EPC2: variants seen among roughly 807,000 people sequenced by gnomAD.
The protein encoded by EPC2 is enhancer of polycomb homolog 2.
Under a neutral mutation model 92.1 loss-of-function variants are expected in EPC2, and 14 were observed. The observed-to-expected ratio is 0.15, with a 90% CI of 0.10 to 0.24. The LOEUF is 0.24. EPC2 is among the 10% of genes least tolerant of loss of function. The pLI is 1.00. For missense variants in EPC2, 755 were observed against 971.5 expected (o/e 0.78, Z 2.96); for synonymous variants, 340 against 334.7 (o/e 1.02, Z -0.17).
intron 6 of EPC2, among the ~76,000 whole-genome samples, chr2:148,764,567 A>G: frequency 6.6e-6 from 1 of 152,260 alleles, no homozygotes; most frequent in South Asian, 2.1e-4. Context: ...TAGAAATGAC[A>G]GTAAACTCAT....
intron 4 of EPC2, among the ~76,000 whole-genome samples, chr2:148,754,547 T>G (rs1473996062): frequency 6.6e-6 from 1 of 152,218 alleles, no homozygotes. Flanking sequence ...GAAATACTAC[T>G]ACTATTCCTT....
intron 3 of EPC2, 128 bp from the exon 4 acceptor site, chr2:148,753,799 T>G (rs1683123170): frequency 1.5e-6 from 1 of 668,262 alleles, no homozygotes; most frequent in East Asian, 2.7e-5. Context: ...GAATTGTGTC[T>G]TCACTTACTA....
chr2:148,657,076 C>T lies in EPC2; in HGVS notation c.153+11906C>T, dbSNP rs1680816892. On this transcript the variant is annotated intron_variant, in intron 1 of 13. Coordinates refer to ENST00000258484, the MANE Select transcript of EPC2 (RefSeq NM_015630.4). ...AGTAGAGTTATTAAGAGAGTTGAAA[C>T]AGTTTTGGGATCTAGTGTAGAGTCA... Among the ~76,000 whole-genome samples the T allele has an allele frequency of 1.3e-5, 2 of 151,578 alleles. 1 individual carries two copies. The highest frequency in any genetic ancestry group is 1.3e-4 in the Admixed American group (2 of 15,196).
At chr2:148,690,871 C>T (rs1387795420) in intron 2 of EPC2, among the ~76,000 whole-genome samples, 1 of 152,150 alleles carries the variant, frequency 6.6e-6, no homozygotes, top group Non-Finnish European at 1.5e-5. Context: ...TCTTGTTGGC[C>T]AGGCCGGTCT....
At chr2:148,755,953 A>G (rs1218739589) in intron 4 of EPC2, among the ~76,000 whole-genome samples, 3 of 152,244 alleles carry the variant, frequency 2.0e-5, no homozygotes, top group Admixed American at 2.0e-4. Context: ...GATATATTGC[A>G]AAACAGACCA....
At chr2:148,771,019 T>C (rs776361255) in intron 9 of EPC2, 25 bp from the exon 10 acceptor site, 1 of 1,591,622 alleles carries the variant, frequency 6.3e-7, no homozygotes, top group East Asian at 2.2e-5. Context: ...TCTCAGTTAA[T>C]ATTTGGTTTT....
intron 2 of EPC2, among the ~76,000 whole-genome samples, chr2:148,700,000 TTTGA>T (rs1467300086): frequency 6.6e-6 from 1 of 152,222 alleles, no homozygotes; most frequent in Non-Finnish European, 1.5e-5. Context: ...CACCTTTTTG[TTTGA>T]TTGACATTAT....
intron 10 of EPC2, among the ~76,000 whole-genome samples, chr2:148,775,104 A>G (rs1558837219): frequency 6.9e-6 from 1 of 144,600 alleles, no homozygotes; most frequent in Non-Finnish European, 1.5e-5. Flanking sequence ...AAAAAAAAAA[A>G]GAAAAGAAAA....
At chr2:148,778,458 T>C (rs1457164346) in intron 10 of EPC2, among the ~76,000 whole-genome samples, 1 of 152,188 alleles carries the variant, frequency 6.6e-6, no homozygotes, top group Non-Finnish European at 1.5e-5. Context: ...CTCTTATGAA[T>C]GTATTTCAGT....
intron 1 of EPC2, among the ~76,000 whole-genome samples, chr2:148,672,670 A>G (rs1392422351): frequency 6.6e-6 from 1 of 152,200 alleles, no homozygotes; most frequent in Non-Finnish European, 1.5e-5. Context: ...ATGCATTAAC[A>G]TAGTTTTTTA....
chr2:148,753,636 C>T (rs1169531241), intron 3 of EPC2, among the ~76,000 whole-genome samples: 1 of 152,126 alleles, frequency 6.6e-6, no homozygotes, highest in Non-Finnish European at 1.5e-5. Context: ...TAGTCCAAGA[C>T]TTGCCTGAGG....
At chr2:148,780,638 C>T (rs908998908) in intron 10 of EPC2, among the ~76,000 whole-genome samples, 1 of 152,074 alleles carries the variant, frequency 6.6e-6, no homozygotes, top group Non-Finnish European at 1.5e-5. Flanking sequence ...CTTATTTTCC[C>T]CTATATTCAC....
At chr2:148,740,566 C>G (rs1040907655) in intron 2 of EPC2, among the ~76,000 whole-genome samples, 2 of 152,044 alleles carry the variant, frequency 1.3e-5, no homozygotes, top group African/African-American at 2.4e-5. Context: ...TTTTCTTGTT[C>G]CTTCCCCTGC....
intron 1 of EPC2, among the ~76,000 whole-genome samples, chr2:148,669,822 A>C (rs1681120519): frequency 6.6e-6 from 1 of 152,318 alleles, no homozygotes; most frequent in Middle Eastern, 3.4e-3. Context: ...CTACTGAATC[A>C]GTATTTTTTG....
rs191333968 is a variant in EPC2, at chr2:148,783,993, C to T, written c.2017+237C>T. Among the ~76,000 whole-genome samples the T allele has an allele frequency of 1.5e-3, 227 of 152,334 alleles. 5 individuals are homozygous for T. The highest frequency in any genetic ancestry group is 0.013 in the Admixed American group (193 of 15,306). ...CATACCTGTGTAACATTCTACCCTT[C>T]CTGGTTTCATTCACATACTGTCAGT... is the stretch of plus-strand genomic sequence containing the variant. On this transcript the variant is annotated intron_variant, in intron 12 of 13. Coordinates refer to ENST00000258484, the MANE Select transcript of EPC2 (RefSeq NM_015630.4).
intron 1 of EPC2, among the ~76,000 whole-genome samples, chr2:148,678,872 C>T (rs548061975): frequency 9.5e-4 from 144 of 152,334 alleles, no homozygotes; most frequent in African/African-American, 3.3e-3. Flanking sequence ...CCTCAAGTGC[C>T]GCCAAAGTGG....
At chr2:148,776,927 T>G (rs921278359) in intron 10 of EPC2, among the ~76,000 whole-genome samples, 1 of 147,486 alleles carries the variant, frequency 6.8e-6, no homozygotes, top group Admixed American at 7.1e-5. Flanking sequence ...ATGGCACGAT[T>G]CCGGCTCACT....
At chr2:148,746,840 TA>T (rs1682994652) in intron 3 of EPC2, among the ~76,000 whole-genome samples, 1 of 150,462 alleles carries the variant, frequency 6.6e-6, no homozygotes, top group South Asian at 2.1e-4. Context: ...CACACACAAT[TA>T]GAGCTTAAAT....
chr2:148,712,647 T>C (rs1030724257), intron 2 of EPC2, among the ~76,000 whole-genome samples: 2 of 151,718 alleles, frequency 1.3e-5, no homozygotes, highest in Admixed American at 6.6e-5. Flanking sequence ...CCCAATACTT[T>C]GGGAGGCTGA....
Sources: allele counts gnomAD v4.1 joint callset (sites outside exome capture counted in the v4.1 genomes callset), GRCh38; gene constraint gnomAD v4.1.1; transcripts MANE v1.5; gene names NCBI Gene and HGNC (gene_info 2026-07-23, HGNC 2026-07-21).